THSD7A: variants seen among roughly 807,000 people sequenced by gnomAD.
THSD7A encodes thrombospondin type-1 domain-containing protein 7A.
Under a neutral mutation model 231.3 loss-of-function variants are expected in THSD7A, and 96 were observed. That is an observed-to-expected ratio of 0.41 (90% confidence interval 0.35 to 0.49). The LOEUF is 0.49. Among genes scored for constraint, THSD7A ranks in the 20% least tolerant of loss-of-function variants. The pLI is 0.05. For synonymous variants in THSD7A, 940 were observed against 743.3 expected, an observed-to-expected ratio of 1.26 and a Z score of -4.30; for missense variants, 2,290 against 2,070.2, an observed-to-expected ratio of 1.11 and a Z score of -2.06.
rs1423756191 is a variant in THSD7A at position 11,373,335 on chromosome 7, A to AGAGT, written c.*2455_*2458dup. The AGAGT allele has an allele frequency of 6.6e-6, 1 of 152,026 alleles. No homozygotes were observed. The highest frequency in any genetic ancestry group is 1.5e-5 in the Non-Finnish European group (1 of 67,966). 9.4% of individuals were successfully genotyped at this position (152,026 alleles called of 1,614,324 possible). A position where few individuals can be genotyped will look rare whatever the true frequency, so the allele number is the denominator to read the frequency against. ...GCTGAATTTTTCAAGTAACCACAATAGAGTCTTTCTTAACTATTTTGGACA... is the reference window on the plus strand; with the variant it reads ...GCTGAATTTTTCAAGTAACCACAATAGAGTGAGTCTTTCTTAACTATTTTGGACA... On this transcript the variant is annotated 3_prime_UTR_variant, in exon 28 of 28. Transcript: ENST00000423059.
chr7:11,445,247 G>C (rs530402724), intron 13 of THSD7A, among the ~76,000 whole-genome samples: 23 of 152,046 alleles, frequency 1.5e-4, no homozygotes, highest in Non-Finnish European at 2.5e-4. Context: ...CAAGTATGTG[G>C]TATCTATGTT....
intron 23 of THSD7A, among the ~76,000 whole-genome samples, chr7:11,392,662 C>CTGAAGATGACCTGTGA (rs1342138379): frequency 2.6e-5 from 4 of 152,182 alleles, no homozygotes; most frequent in African/African-American, 9.6e-5. Context: ...GCACAGCAGT[C>CTGAAGATGACCTGTGA]TGAAGATGAC....
At chr7:11,409,337 G>T (rs1401352598) in intron 19 of THSD7A, among the ~76,000 whole-genome samples, 1 of 152,192 alleles carries the variant, frequency 6.6e-6, no homozygotes, top group Non-Finnish European at 1.5e-5. Context: ...TGAATGCAGG[G>T]TTGCACAGTC....
At chr7:11,804,501 A>G (rs1372484746) in intron 1 of THSD7A, among the ~76,000 whole-genome samples, 2 of 152,194 alleles carry the variant, frequency 1.3e-5, no homozygotes, top group East Asian at 3.8e-4. Context: ...ATTTCAATTC[A>G]ACATAACTGA....
chr7:11,821,084 G>A, intron 1 of THSD7A: 4 of 999,766 alleles, frequency 4.0e-6, no homozygotes, highest in Admixed American at 1.9e-5. Flanking sequence ...TGCGGGAAAT[G>A]TCTATTGTCC....
intron 13 of THSD7A, among the ~76,000 whole-genome samples, chr7:11,438,065 G>T (rs941826065): frequency 6.6e-6 from 1 of 151,618 alleles, no homozygotes; most frequent in African/African-American, 2.4e-5. Context: ...TAGTAGAAAA[G>T]AATCCCACAG....
chr7:11,567,177 G>A (rs1027533104), intron 4 of THSD7A, among the ~76,000 whole-genome samples: 1 of 152,084 alleles, frequency 6.6e-6, no homozygotes, highest in African/African-American at 2.4e-5. Flanking sequence ...AAAGGAAGAG[G>A]TTTAATTGAC....
At chr7:11,711,080 G>C (rs1334693370) in intron 1 of THSD7A, among the ~76,000 whole-genome samples, 4 of 150,900 alleles carry the variant, frequency 2.7e-5, no homozygotes, top group Non-Finnish European at 5.9e-5. Context: ...GGATATTCCT[G>C]ATAGTGTCTT....
At chr7:11,436,544 C>T (rs1784638677) in intron 13 of THSD7A, among the ~76,000 whole-genome samples, 1 of 151,944 alleles carries the variant, frequency 6.6e-6, no homozygotes, top group Admixed American at 6.6e-5. Context: ...TACTGCATTC[C>T]CATAATTACT....
At chr7:11,771,180 T>C (rs962108096) in intron 1 of THSD7A, among the ~76,000 whole-genome samples, 2 of 151,162 alleles carry the variant, frequency 1.3e-5, no homozygotes, top group Admixed American at 1.3e-4. Context: ...CCCATAGATA[T>C]GTTTATAACA....
At chr7:11,503,040 T>A (rs1383375615) in intron 6 of THSD7A, among the ~76,000 whole-genome samples, 1 of 152,170 alleles carries the variant, frequency 6.6e-6, no homozygotes, top group Admixed American at 6.6e-5. Flanking sequence ...GCTGAGGGCA[T>A]CACATTCCCC....
At chr7:11,790,601 T>C (rs1783923866) in intron 1 of THSD7A, among the ~76,000 whole-genome samples, 2 of 151,988 alleles carry the variant, frequency 1.3e-5, no homozygotes, top group African/African-American at 4.8e-5. Flanking sequence ...AAAATGTTTC[T>C]TAAATTTTTT....
At chr7:11,825,908 A>G (rs1785011083) in intron 1 of THSD7A, among the ~76,000 whole-genome samples, 1 of 152,174 alleles carries the variant, frequency 6.6e-6, no homozygotes. Context: ...GAAGTTTAAA[A>G]CACTTGTATT....
At chr7:11,504,425 A>T (rs1476359926) in intron 6 of THSD7A, among the ~76,000 whole-genome samples, 3 of 152,140 alleles carry the variant, frequency 2.0e-5, no homozygotes, top group Non-Finnish European at 4.4e-5. Context: ...TGTACAACAA[A>T]AGTCTGTGAC....
intron 14 of THSD7A, among the ~76,000 whole-genome samples, chr7:11,427,939 C>G: frequency 6.6e-6 from 1 of 152,114 alleles, no homozygotes; most frequent in South Asian, 2.1e-4. Context: ...GGGGAACAAT[C>G]AAGACTCTTT....
chr7:11,497,588 C>T (rs1243064009), intron 6 of THSD7A, among the ~76,000 whole-genome samples: 1 of 152,090 alleles, frequency 6.6e-6, no homozygotes, highest in East Asian at 1.9e-4. Context: ...ATAATGTACT[C>T]TCAATAATCT....
chr7:11,795,481 C>T (rs1374654149), intron 1 of THSD7A, among the ~76,000 whole-genome samples: 1 of 151,912 alleles, frequency 6.6e-6, no homozygotes, highest in Admixed American at 6.6e-5. Context: ...CCTTTAGTCA[C>T]TTTCCCGGGA....
chr7:11,568,727 C>T (rs1790487342), intron 4 of THSD7A, among the ~76,000 whole-genome samples: 1 of 148,606 alleles, frequency 6.7e-6, no homozygotes, highest in Non-Finnish European at 1.5e-5. Context: ...AATAGCCAGA[C>T]CAATCAGGCA....
At chr7:11,629,406 C>T (rs527588625) in intron 2 of THSD7A, among the ~76,000 whole-genome samples, 2 of 152,210 alleles carry the variant, frequency 1.3e-5, no homozygotes, top group South Asian at 2.1e-4. Context: ...GGCAAGCTTG[C>T]GAGACGTGAT....
Sources: gnomAD v4.1 joint callset for allele counts (sites outside exome capture counted in the v4.1 genomes callset) on GRCh38, gnomAD v4.1.1 for gene constraint, MANE v1.5 for transcripts, NCBI Gene and HGNC (gene_info 2026-07-23, HGNC 2026-07-21) for gene names.